The following DNAJC15 variants were observed in gnomAD, a reference collection of about 807,000 sequenced individuals.
DNAJC15 encodes DnaJ heat shock protein family (Hsp40) member C15.
DNAJC15 carries 27 observed loss-of-function variants against 22.4 expected under a neutral mutation model. That is an observed-to-expected ratio of 1.20 (90% confidence interval 0.89 to 1.66). The LOEUF is 1.66. Ranked by LOEUF, DNAJC15 falls within the 40% of genes most tolerant of loss-of-function variation. DNAJC15 has a pLI of 0.00. For synonymous variants in DNAJC15, 79 were observed against 63.2 expected (o/e 1.25, Z -1.19); for missense variants, 208 against 187.1 (o/e 1.11, Z -0.65).
intron 5 of DNAJC15, among the ~76,000 whole-genome samples, chr13:43,106,924 T>C (rs554167587): frequency 2.6e-4 from 40 of 152,170 alleles, no homozygotes; most frequent in African/African-American, 8.9e-4. Context: ...AGTTGAATGT[T>C]GTTCAAGTTA....
At chr13:43,053,620 C>T (rs1267847420) in intron 1 of DNAJC15, among the ~76,000 whole-genome samples, 2 of 152,016 alleles carry the variant, frequency 1.3e-5, no homozygotes, top group African/African-American at 2.4e-5. Context: ...AGGTTTTTTA[C>T]CTCCATGGTT....
intron 3 of DNAJC15, among the ~76,000 whole-genome samples, chr13:43,072,652 C>T (rs754606795): frequency 3.3e-5 from 5 of 151,882 alleles, no homozygotes; most frequent in Non-Finnish European, 5.9e-5. Context: ...CAACTTCTGC[C>T]TCCTGAGTTT....
At chr13:43,104,112 CAA>C (rs1295579556) in intron 5 of DNAJC15, among the ~76,000 whole-genome samples, 1 of 152,044 alleles carries the variant, frequency 6.6e-6, no homozygotes, top group Non-Finnish European at 1.5e-5. Context: ...CAAGTTCTGG[CAA>C]ATATATATGT....
chr13:43,050,268 C>A lies in DNAJC15; in HGVS notation c.109-15418C>A, dbSNP rs995718551. Among the ~76,000 whole-genome samples the A allele has an allele frequency of 6.6e-5, 10 of 152,210 alleles. No homozygotes were observed. In the East Asian group the frequency reaches 1.5e-3, roughly 23 times the overall value. The stretch of plus-strand genomic sequence containing the variant: ...ACAGCCTTACTATTTCCACAGGAAA[C>A]TTTATAAGTACTTTTATTCTTTCCT... On this transcript the variant is annotated intron_variant, in intron 1 of 5. Coordinates refer to ENST00000379221, the MANE Select transcript of DNAJC15 (RefSeq NM_013238.3).
chr13:43,061,364 C>A (rs185147153), intron 1 of DNAJC15, among the ~76,000 whole-genome samples: 2 of 152,188 alleles, frequency 1.3e-5, no homozygotes, highest in South Asian at 2.1e-4. Flanking sequence ...TTGTCCTGAG[C>A]GATGGGATCT....
intron 1 of DNAJC15, among the ~76,000 whole-genome samples, chr13:43,061,983 G>A (rs947552194): frequency 4.6e-5 from 7 of 152,272 alleles, no homozygotes; most frequent in East Asian, 1.9e-4. Flanking sequence ...TGCATGCCCC[G>A]TCTCTCACAT....
At chr13:43,065,068 TAAG>T (rs1206080736) in intron 1 of DNAJC15, among the ~76,000 whole-genome samples, 1 of 152,188 alleles carries the variant, frequency 6.6e-6, no homozygotes, top group African/African-American at 2.4e-5. Flanking sequence ...CTGAGATGTT[TAAG>T]GAGAAAAGCT....
chr13:43,030,658 G>A (rs990427714), intron 1 of DNAJC15, among the ~76,000 whole-genome samples: 1 of 152,122 alleles, frequency 6.6e-6, no homozygotes, highest in African/African-American at 2.4e-5. Context: ...GTGCTATAGT[G>A]GATACAAAGA....
chr13:43,106,106 ATGGTAT>A (rs1178088428), intron 5 of DNAJC15, among the ~76,000 whole-genome samples: 3 of 152,162 alleles, frequency 2.0e-5, no homozygotes. Flanking sequence ...GCTGGGTGGT[ATGGTAT>A]CAATAAAAGG....
At chr13:43,067,517 A>G (rs571933307) in intron 2 of DNAJC15, among the ~76,000 whole-genome samples, 1 of 152,334 alleles carries the variant, frequency 6.6e-6, no homozygotes, top group South Asian at 2.1e-4. Context: ...AATTAGATAA[A>G]GATGTATTTT....
chr13:43,107,075 ATG>A, intron 5 of DNAJC15, 101 bp from the exon 6 acceptor site: 1 of 865,942 alleles, frequency 1.2e-6, no homozygotes, highest in Non-Finnish European at 1.6e-6. Context: ...CAGAGGATTA[ATG>A]TGTGAGACAA....
intron 1 of DNAJC15, among the ~76,000 whole-genome samples, chr13:43,059,007 C>A (rs371568003): frequency 6.6e-6 from 1 of 152,132 alleles, no homozygotes; most frequent in African/African-American, 2.4e-5. Context: ...CTGCTGCTTT[C>A]AAAGGGTCTG....
intron 1 of DNAJC15, among the ~76,000 whole-genome samples, chr13:43,042,911 C>A (rs1347875785): frequency 6.6e-6 from 1 of 152,116 alleles, no homozygotes; most frequent in Non-Finnish European, 1.5e-5. Flanking sequence ...GCCAGGTTGA[C>A]ACATAAAATT....
chr13:43,034,305 CTTTT>C (rs753362468), intron 1 of DNAJC15, among the ~76,000 whole-genome samples: 161 of 60,554 alleles, frequency 2.7e-3, no homozygotes, highest in African/African-American at 0.011. Context: ...GAGATTTGTC[CTTTT>C]TTTTTTTTTT....
intron 5 of DNAJC15, among the ~76,000 whole-genome samples, chr13:43,096,726 GATTTTTC>G (rs2040741527): frequency 6.6e-6 from 1 of 152,218 alleles, no homozygotes; most frequent in Admixed American, 6.5e-5. Flanking sequence ...GAGGTGGTCT[GATTTTTC>G]ACCCTTTGTA....
chr13:43,050,019 A>C (rs542301286), intron 1 of DNAJC15, among the ~76,000 whole-genome samples: 1 of 152,186 alleles, frequency 6.6e-6, no homozygotes, highest in African/African-American at 2.4e-5. Flanking sequence ...CCCAGGTTCA[A>C]GCAGTTCTCC....
Position 43,107,270 on chromosome 13 carries a change from G to GAA in DNAJC15, c.*30_*31dup. 3.8e-6 allele frequency: 5 copies of GAA among 1,326,284 alleles called. No homozygotes were observed. The highest frequency in any genetic ancestry group is 1.8e-5 in the South Asian group (1 of 54,988). The allele number at this position is 1,326,284 out of a possible 1,614,324, so 82.2% of individuals were successfully genotyped here. ...TTGATGCTTAAGGACCACACTGAAGGAAAAAAAAAGAGGGGACTTCGAAAA... is the reference window on the plus strand; with the variant it reads ...TTGATGCTTAAGGACCACACTGAAGGAAAAAAAAAAAGAGGGGACTTCGAAAA... On this transcript the variant is annotated 3_prime_UTR_variant, in exon 6 of 6. Coordinates refer to ENST00000379221, the MANE Select transcript of DNAJC15 (RefSeq NM_013238.3).
chr13:43,085,700 T>C lies in DNAJC15; in HGVS notation c.312-68T>C, dbSNP rs1044471164. On this transcript the variant is annotated intron_variant, in intron 4 of 5. Coordinates refer to ENST00000379221, the MANE Select transcript of DNAJC15 (RefSeq NM_013238.3). ...ATTAGGTATAATTTTTTGAAACCCA[T>C]ATAAACCCTTAATTTATAATCTGCA... 5.7e-6 allele frequency: 8 copies of C among 1,395,616 alleles called. No individual in the cohort carries two copies. The African/African-American group carries it at 7.3e-5, about 13-fold the overall frequency. The allele number at this position is 1,395,616 out of a possible 1,614,324, so 86.5% of individuals were successfully genotyped here.
intron 5 of DNAJC15, 71 bp from the exon 6 acceptor site, chr13:43,107,107 T>A (rs987190318): frequency 9.0e-6 from 11 of 1,223,400 alleles, no homozygotes; most frequent in African/African-American, 3.2e-5. Flanking sequence ...AAGAGTATTT[T>A]TATATTTTGG....
Sources: allele counts gnomAD v4.1 joint callset (sites outside exome capture counted in the v4.1 genomes callset), GRCh38; gene constraint gnomAD v4.1.1; transcripts MANE v1.5; gene names NCBI Gene and HGNC (gene_info 2026-07-23, HGNC 2026-07-21).